Variants in EPHA7 observed in about 807,000 individuals in gnomAD.
EPHA7 encodes the protein EPH receptor A7, also known as ephrin type-A receptor 7.
A neutral mutation model predicts 112.6 loss-of-function variants in EPHA7; 25 were observed. That is an observed-to-expected ratio of 0.22 (90% CI 0.16 to 0.31). The LOEUF (loss-of-function observed/expected upper bound fraction) is 0.31. EPHA7 is among the 10% of genes least tolerant of loss of function. The pLI, the probability that EPHA7 is intolerant of heterozygous loss-of-function variation, is 1.00. For synonymous variants in EPHA7, 437 were observed against 406.5 expected, an observed-to-expected ratio of 1.07 and a Z score of -0.90; for missense variants, 962 against 1,212.6, an observed-to-expected ratio of 0.79 and a Z score of 3.07.
chr6:93,320,627 T>G (rs1408643065), intron 5 of EPHA7, among the ~76,000 whole-genome samples: 1 of 151,998 alleles, frequency 6.6e-6, no homozygotes, highest in Non-Finnish European at 1.5e-5. Context: ...AAAGATGCTA[T>G]TAGACACAGG....
chr6:93,328,869 A>G (rs533856291), intron 5 of EPHA7, among the ~76,000 whole-genome samples: 1 of 151,582 alleles, frequency 6.6e-6, no homozygotes, highest in South Asian at 2.1e-4. Context: ...TTATACAATA[A>G]AATAGACCAA....
At chr6:93,285,632 A>G (rs1582449546) in intron 5 of EPHA7, among the ~76,000 whole-genome samples, 1 of 152,234 alleles carries the variant, frequency 6.6e-6, no homozygotes, top group Non-Finnish European at 1.5e-5. Context: ...AGTTGCTTCA[A>G]TTACAGGAAT....
At chr6:93,370,393 G>C (rs1035713747) in intron 3 of EPHA7, among the ~76,000 whole-genome samples, 4 of 152,044 alleles carry the variant, frequency 2.6e-5, no homozygotes, top group African/African-American at 9.7e-5. Flanking sequence ...CATACAGTAA[G>C]TACACAATAC....
rs117143403 is a variant in EPHA7, at chr6:93,285,635, A to G, written c.1325-13213T>C. On this transcript the variant is annotated intron_variant, in intron 5 of 16. Coordinates refer to ENST00000369303, the MANE Select transcript of EPHA7 (RefSeq NM_004440.4). The stretch of plus-strand genomic sequence containing the variant: ...TTCTACTGATGCAGTTGCTTCAATT[A>G]CAGGAATGAAGATCTCCCTGAATTC... Among the ~76,000 whole-genome samples, 6 of 152,380 alleles carry G rather than the reference A, an allele frequency of 3.9e-5. No individual in the cohort carries two copies. The East Asian group carries it at 1.2e-3, about 29-fold the overall frequency.
At chr6:93,311,683 C>T (rs184280872) in intron 5 of EPHA7, among the ~76,000 whole-genome samples, 93 of 152,226 alleles carry the variant, frequency 6.1e-4, no homozygotes, top group Middle Eastern at 6.8e-3. Flanking sequence ...GAATCATGAA[C>T]GTCCTTAATG....
In EPHA7 at chr6:93,273,375, T is replaced by C. The variant is rs1481519665; in HGVS notation, c.1325-953A>G. On this transcript the variant is annotated intron_variant, in intron 5 of 16. Transcript: ENST00000369303. ...CTGTAAAATATTTTCAGGCTATTAA[T>C]TTAATTTTCAGATGTCTGAAACTGT... Among the ~76,000 whole-genome samples, 5 of 151,972 alleles carry C rather than the reference T, an allele frequency of 3.3e-5. No individual in the cohort carries two copies. The South Asian group carries it at 8.3e-4, about 25-fold the overall frequency.
At chr6:93,409,039 T>C (rs1405929943) in intron 3 of EPHA7, among the ~76,000 whole-genome samples, 1 of 152,038 alleles carries the variant, frequency 6.6e-6, no homozygotes, top group Non-Finnish European at 1.5e-5. Context: ...TTACAGCACA[T>C]CTCAATGTTT....
At chr6:93,378,529 T>G (rs980051647) in intron 3 of EPHA7, among the ~76,000 whole-genome samples, 1 of 152,038 alleles carries the variant, frequency 6.6e-6, no homozygotes, top group East Asian at 1.9e-4. Flanking sequence ...CAAGAGATGT[T>G]TAACATATTC....
At chr6:93,380,035 G>C (rs1385229927) in intron 3 of EPHA7, among the ~76,000 whole-genome samples, 1 of 152,034 alleles carries the variant, frequency 6.6e-6, no homozygotes, top group Non-Finnish European at 1.5e-5. Context: ...AAAGCACCCT[G>C]ATTTAGTATG....
intron 5 of EPHA7, among the ~76,000 whole-genome samples, chr6:93,320,842 A>G (rs1774032863): frequency 6.6e-6 from 1 of 152,000 alleles, no homozygotes; most frequent in African/African-American, 2.4e-5. Flanking sequence ...CAGCATTAAA[A>G]TGCTGAAATA....
intron 5 of EPHA7, among the ~76,000 whole-genome samples, chr6:93,299,747 G>C (rs1348329094): frequency 6.6e-6 from 1 of 152,156 alleles, no homozygotes; most frequent in Non-Finnish European, 1.5e-5. Flanking sequence ...TGAAAGACTG[G>C]ATAAAGAAAA....
At chr6:93,323,015 T>C (rs1049174106) in intron 5 of EPHA7, among the ~76,000 whole-genome samples, 1 of 151,536 alleles carries the variant, frequency 6.6e-6, no homozygotes, top group Non-Finnish European at 1.5e-5. Flanking sequence ...ATTAATATGG[T>C]ATTCAAAGGG....
intron 5 of EPHA7, among the ~76,000 whole-genome samples, chr6:93,317,361 GTAGAAAC>G (rs1263866007): frequency 6.6e-6 from 1 of 152,162 alleles, no homozygotes; most frequent in African/African-American, 2.4e-5. Flanking sequence ...ATAAAAGGCA[GTAGAAAC>G]TAGCTGAGAA....
chr6:93,417,783 G>C (rs1172784066), intron 1 of EPHA7, among the ~76,000 whole-genome samples: 1 of 152,010 alleles, frequency 6.6e-6, no homozygotes, highest in Non-Finnish European at 1.5e-5. Context: ...CCGTCCTTCT[G>C]CAAACGCGTA....
rs541458930 is a variant in EPHA7 at position 93,378,445 on chromosome 6, C to T, written c.833-20034G>A. Among the ~76,000 whole-genome samples, 7 of 152,124 alleles carry T rather than the reference C, an allele frequency of 4.6e-5. No homozygotes were observed. In the South Asian group the frequency reaches 8.3e-4, roughly 18 times the overall value. ...TGCAAGATGACATGTAAGAAGATGA[C>T]GGCAGACTGAGGCAGTATGCATCAA... On this transcript the variant is annotated intron_variant, in intron 3 of 16. Coordinates refer to ENST00000369303, the MANE Select transcript of EPHA7 (RefSeq NM_004440.4).
chr6:93,381,515 G>A (rs1308948719), intron 3 of EPHA7, among the ~76,000 whole-genome samples: 2 of 151,952 alleles, frequency 1.3e-5, no homozygotes, highest in African/African-American at 4.8e-5. Flanking sequence ...GACCAAATAA[G>A]CTGCTACTTT....
rs371831050 is a variant in EPHA7, at chr6:93,361,174, G to A, written c.833-2763C>T. Among the ~76,000 whole-genome samples, 22 of 152,022 alleles carry A rather than the reference G, an allele frequency of 1.4e-4. No homozygotes were observed. The South Asian group carries it at 2.1e-3, about 14-fold the overall frequency. ...TCATTAAATAGATAAAGGCAATACCGGAAAAATGTGATCATAAAAGTCTTA... is the reference window on the plus strand; with the variant it reads ...TCATTAAATAGATAAAGGCAATACCAGAAAAATGTGATCATAAAAGTCTTA... On this transcript the variant is annotated intron_variant, in intron 3 of 16. Transcript: ENST00000369303.
At chr6:93,293,151 A>T (rs1323969840) in intron 5 of EPHA7, among the ~76,000 whole-genome samples, 1 of 151,484 alleles carries the variant, frequency 6.6e-6, no homozygotes, top group Non-Finnish European at 1.5e-5. Context: ...GGTAATACAT[A>T]GAAAAGACTA....
chr6:93,327,788 C>T (rs1774394173), intron 5 of EPHA7, among the ~76,000 whole-genome samples: 2 of 151,432 alleles, frequency 1.3e-5, no homozygotes, highest in African/African-American at 4.8e-5. Flanking sequence ...GCAATAGCCT[C>T]CTAAACTAAT....
Sources: gnomAD v4.1 joint callset for allele counts (sites outside exome capture counted in the v4.1 genomes callset) on GRCh38, gnomAD v4.1.1 for gene constraint, MANE v1.5 for transcripts, NCBI Gene and HGNC (gene_info 2026-07-23, HGNC 2026-07-21) for gene names.